BBX: variants seen among roughly 807,000 people sequenced by gnomAD.
BBX encodes the protein HMG box transcription factor BBX.
BBX carries 30 observed loss-of-function variants against 100.2 expected under a neutral mutation model. The observed-to-expected ratio is 0.30, with a 90% confidence interval of 0.22 to 0.41. BBX has a LOEUF of 0.41. BBX is among the 10% of genes least tolerant of loss of function. BBX has a pLI of 1.00. For missense variants in BBX, 1,023 were observed against 1,129.8 expected, an observed-to-expected ratio of 0.91 and a Z score of 1.35; for synonymous variants, 376 against 388.1, an observed-to-expected ratio of 0.97 and a Z score of 0.37.
chr3:107,789,769 T>G lies in BBX; in HGVS notation c.2204-18T>G. Reference sequence around the variant, plus strand: ...ACATTGTGAATTTAAAATATATTTATATTAATATTGTCTGTAGGTCCTTTC... The same window carrying G: ...ACATTGTGAATTTAAAATATATTTAGATTAATATTGTCTGTAGGTCCTTTC... On this transcript the variant is annotated intron_variant, in intron 13 of 17. Transcript: ENST00000325805. 1 of 1,410,310 alleles carries G rather than the reference T, an allele frequency of 7.1e-7. No individual in the cohort carries two copies. Among genetic ancestry groups the G allele is most frequent in the Admixed American group, 2.3e-5 (1 of 43,312 alleles). 87.4% of individuals were successfully genotyped at this position (1,410,310 alleles called of 1,614,324 possible).
chr3:107,607,576 A>T (rs1371363914), intron 2 of BBX, among the ~76,000 whole-genome samples: 1 of 152,198 alleles, frequency 6.6e-6, no homozygotes, highest in Non-Finnish European at 1.5e-5. Flanking sequence ...GTATATATCT[A>T]GCAGTGGGAT....
chr3:107,705,275 C>T (rs2061329593), intron 3 of BBX, among the ~76,000 whole-genome samples: 1 of 152,142 alleles, frequency 6.6e-6, no homozygotes, highest in Admixed American at 6.6e-5. Context: ...ATGGGCCTCC[C>T]ATACTCTCCT....
chr3:107,652,390 G>C (rs2057892299), intron 3 of BBX, among the ~76,000 whole-genome samples: 2 of 102,450 alleles, frequency 2.0e-5, no homozygotes, highest in African/African-American at 8.7e-5. Flanking sequence ...CAGTTTTTCT[G>C]TGTACTTATA....
chr3:107,647,382 T>C (rs2057582234), intron 3 of BBX, among the ~76,000 whole-genome samples: 1 of 152,222 alleles, frequency 6.6e-6, no homozygotes. Flanking sequence ...AAGATTACCA[T>C]GGCAGACTTC....
chr3:107,648,806 A>G (rs1455347388), intron 3 of BBX, among the ~76,000 whole-genome samples: 1 of 152,226 alleles, frequency 6.6e-6, no homozygotes, highest in Non-Finnish European at 1.5e-5. Flanking sequence ...ACAATATGAA[A>G]AAACATTATT....
chr3:107,736,768 C>T (rs2107554928), intron 7 of BBX, among the ~76,000 whole-genome samples: 1 of 152,176 alleles, frequency 6.6e-6, no homozygotes, highest in Middle Eastern at 3.4e-3. Context: ...GGATTGATCT[C>T]AGAAAGGATG....
chr3:107,649,082 G>A (rs550900478), intron 3 of BBX, among the ~76,000 whole-genome samples: 9 of 152,308 alleles, frequency 5.9e-5, no homozygotes, highest in African/African-American at 1.7e-4. Context: ...CACGTCTTAC[G>A]TGGCAGCAGG....
intron 2 of BBX, among the ~76,000 whole-genome samples, chr3:107,538,676 C>T (rs16853592): frequency 0.035 from 5,285 of 152,110 alleles, 281 homozygotes; most frequent in African/African-American, 0.12. Flanking sequence ...CAGATGGAAG[C>T]TTTAATATTC....
intron 15 of BBX, among the ~76,000 whole-genome samples, chr3:107,795,045 T>G (rs2069465492): frequency 6.6e-6 from 1 of 152,222 alleles, no homozygotes; most frequent in Admixed American, 6.5e-5. Context: ...CGGGTAGTTT[T>G]GTGTGCTCAA....
intron 3 of BBX, among the ~76,000 whole-genome samples, chr3:107,670,222 A>G (rs569636713): frequency 2.6e-5 from 4 of 152,262 alleles, no homozygotes; most frequent in South Asian, 2.1e-4. Context: ...ACATACAGTA[A>G]GAGAATACAT....
chr3:107,656,368 A>G (rs1214411227), intron 3 of BBX, among the ~76,000 whole-genome samples: 1 of 152,156 alleles, frequency 6.6e-6, no homozygotes, highest in African/African-American at 2.4e-5. Flanking sequence ...TTTTAGTACT[A>G]TCTATGAAAT....
chr3:107,714,980 T>C (rs1051467522), intron 4 of BBX, among the ~76,000 whole-genome samples: 1 of 152,044 alleles, frequency 6.6e-6, no homozygotes, highest in African/African-American at 2.4e-5. Flanking sequence ...GAGACAGGGC[T>C]TCACCATGTT....
At chr3:107,737,938 T>G (rs1423443340) in intron 7 of BBX, among the ~76,000 whole-genome samples, 2 of 139,852 alleles carry the variant, frequency 1.4e-5, no homozygotes, top group Admixed American at 1.5e-4. Context: ...ATCCTTACCT[T>G]TTGGGCATCC....
intron 16 of BBX, among the ~76,000 whole-genome samples, chr3:107,799,853 C>G (rs527241727): frequency 3.4e-4 from 51 of 152,208 alleles, no homozygotes; most frequent in African/African-American, 1.2e-3. Flanking sequence ...AGGGGTGTGG[C>G]CGAAGAGTGA....
intron 2 of BBX, among the ~76,000 whole-genome samples, chr3:107,622,862 A>C (rs1195197576): frequency 1.3e-5 from 2 of 152,222 alleles, no homozygotes; most frequent in East Asian, 3.8e-4. Flanking sequence ...AGTTTGATCC[A>C]GCCCTCTGTG....
At chr3:107,634,218 T>C (rs758310225) in intron 2 of BBX, among the ~76,000 whole-genome samples, 1 of 152,216 alleles carries the variant, frequency 6.6e-6, no homozygotes, top group Non-Finnish European at 1.5e-5. Context: ...CCTCGTCTTA[T>C]TACTCTACCA....
intron 2 of BBX, among the ~76,000 whole-genome samples, chr3:107,577,520 T>C (rs1324786511): frequency 6.6e-6 from 1 of 152,162 alleles, no homozygotes; most frequent in Non-Finnish European, 1.5e-5. Flanking sequence ...ACTTTCTAAA[T>C]CTCAGTATCC....
At chr3:107,674,931 CG>C in intron 3 of BBX, 1 of 151,658 alleles carries the variant, frequency 6.6e-6, no homozygotes, top group Non-Finnish European at 1.5e-5. Flanking sequence ...TCTCCAGACA[CG>C]AAAGAGGGAA....
intron 17 of BBX, among the ~76,000 whole-genome samples, 162 bp from the exon 18 acceptor site, chr3:107,805,208 G>A (rs1397082847): frequency 6.6e-6 from 1 of 152,076 alleles, no homozygotes; most frequent in Non-Finnish European, 1.5e-5. Context: ...GAAGGGGACA[G>A]AAGAGAAAAA....
Sources: gnomAD v4.1 joint callset for allele counts (sites outside exome capture counted in the v4.1 genomes callset) on GRCh38, gnomAD v4.1.1 for gene constraint, MANE v1.5 for transcripts, NCBI Gene and HGNC (gene_info 2026-07-23, HGNC 2026-07-21) for gene names.